The following CPEB1 variants were observed in gnomAD, a reference collection of about 807,000 sequenced individuals.
The protein encoded by CPEB1 is cytoplasmic polyadenylation element binding protein 1.
CPEB1 carries 7 observed loss-of-function variants against 65.8 expected under a neutral mutation model. The ratio of observed to expected loss-of-function variants is 0.11; its 90% CI spans 0.06 to 0.20. The LOEUF (loss-of-function observed/expected upper bound fraction) is 0.20, where lower values mean the gene tolerates loss of function less well. CPEB1 is among the 10% of genes least tolerant of loss of function. The pLI is 1.00. For synonymous variants in CPEB1, 262 were observed against 260.0 expected (o/e 1.01, Z -0.08); for missense variants, 551 against 712.2 (o/e 0.77, Z 2.58).
intron 3 of CPEB1, among the ~76,000 whole-genome samples, chr15:82,597,335 T>C (rs768615812): frequency 1.1e-4 from 16 of 152,254 alleles, no homozygotes; most frequent in Non-Finnish European, 1.9e-4. Flanking sequence ...TTTAGGAGTA[T>C]ATTTATTAAT....
At chr15:82,582,641 C>T (rs28485966) in intron 3 of CPEB1, among the ~76,000 whole-genome samples, 10,650 of 152,084 alleles carry the variant, frequency 0.07, 605 homozygotes, top group African/African-American at 0.15. Flanking sequence ...AATAACCCTA[C>T]TCAGACCTGT....
In CPEB1 at chr15:82,557,356, C is replaced by T. The variant is rs185676078; in HGVS notation, c.687+404G>A. Among the ~76,000 whole-genome samples, 391 of 152,202 alleles carry T rather than the reference C, an allele frequency of 2.6e-3. 7 individuals carry two copies. Among genetic ancestry groups the T allele is most frequent in the Middle Eastern group, 0.017 (5 of 294 alleles). ...CTAATTACTACTTAAAAATTTTTTA[C>T]GTTATTACTTAATTGTGAGATATCA... On this transcript the variant is annotated intron_variant, in intron 5 of 12. Coordinates refer to ENST00000684509, the MANE Select transcript of CPEB1 (RefSeq NM_001365242.1).
At position 82,591,518 on chromosome 15, in the gene CPEB1, C is replaced by T. The variant is rs184698644; in HGVS notation, c.272-19986G>A. ...CTGACCTCAGGTGATCCGCCCACCT[C>T]GGCCTCCCAAAGTGCTGGGATTGTA... On this transcript the variant is annotated intron_variant, in intron 3 of 12. Transcript: ENST00000684509. Among the ~76,000 whole-genome samples the T allele has an allele frequency of 1.1e-4, 16 of 152,290 alleles. No homozygotes were observed. The East Asian group carries it at 2.1e-3, about 20-fold the overall frequency.
intron 1 of CPEB1, among the ~76,000 whole-genome samples, chr15:82,630,749 G>A (rs914835716): frequency 6.6e-6 from 1 of 152,154 alleles, no homozygotes. Flanking sequence ...GGGTAAAGAG[G>A]AAGTTCTAAA....
chr15:82,640,963 A>T (rs1453773277), intron 1 of CPEB1: 1 of 152,194 alleles, frequency 6.6e-6, no homozygotes, highest in Admixed American at 6.5e-5. Flanking sequence ...CAAGTACAAT[A>T]AGAGACCAAC....
chr15:82,642,332 T>A (rs1264240651), intron 1 of CPEB1, among the ~76,000 whole-genome samples: 1 of 152,222 alleles, frequency 6.6e-6, no homozygotes, highest in Admixed American at 6.5e-5. Flanking sequence ...GGCAGGAGGA[T>A]GGCTTGAGCC....
chr15:82,619,508 G>T (rs1410796661), intron 3 of CPEB1, among the ~76,000 whole-genome samples: 1 of 152,058 alleles, frequency 6.6e-6, no homozygotes, highest in Admixed American at 6.6e-5. Context: ...ACAAATCACA[G>T]ACTCAAAGAA....
At chr15:82,615,510 A>C (rs1161748273) in intron 3 of CPEB1, among the ~76,000 whole-genome samples, 2 of 152,240 alleles carry the variant, frequency 1.3e-5, no homozygotes, top group Non-Finnish European at 2.9e-5. Context: ...GAATGTCAAG[A>C]AACAGCAGAC....
chr15:82,590,274 C>A (rs1167494232), intron 3 of CPEB1, among the ~76,000 whole-genome samples: 1 of 138,616 alleles, frequency 7.2e-6, no homozygotes, highest in Non-Finnish European at 1.6e-5. Context: ...TAAGAAAACT[C>A]TGTAATTCAA....
chr15:82,627,897 C>T (rs1221069130), intron 2 of CPEB1, among the ~76,000 whole-genome samples: 1 of 152,036 alleles, frequency 6.6e-6, no homozygotes, highest in East Asian at 1.9e-4. Flanking sequence ...TTATGATGAA[C>T]AAGGTACTCA....
chr15:82,586,890 T>C (rs1181305866), intron 3 of CPEB1, among the ~76,000 whole-genome samples: 5 of 152,342 alleles, frequency 3.3e-5, no homozygotes, highest in African/African-American at 4.8e-5. Context: ...GCCTGACTTA[T>C]AGCATTTTCC....
chr15:82,641,389 A>G (rs555767510), intron 1 of CPEB1, among the ~76,000 whole-genome samples: 1 of 152,278 alleles, frequency 6.6e-6, no homozygotes, highest in Admixed American at 6.5e-5. Context: ...CTGTAAAAAG[A>G]CACAAAAAAA....
chr15:82,561,684 C>T (rs2038236056), intron 4 of CPEB1, among the ~76,000 whole-genome samples: 1 of 152,174 alleles, frequency 6.6e-6, no homozygotes, highest in South Asian at 2.1e-4. Context: ...GTTGGTACAC[C>T]TGTTTTACCA....
chr15:82,627,556 C>T (rs1488210515), intron 2 of CPEB1, among the ~76,000 whole-genome samples, 189 bp from the exon 3 acceptor site: 4 of 152,176 alleles, frequency 2.6e-5, no homozygotes, highest in South Asian at 2.1e-4. Context: ...ATATTCTTGG[C>T]CAATTTGTGG....
intron 1 of CPEB1, among the ~76,000 whole-genome samples, chr15:82,646,021 C>T (rs587752887): frequency 1.2e-4 from 19 of 152,256 alleles, no homozygotes; most frequent in African/African-American, 3.9e-4. Flanking sequence ...CAGGGTTTTC[C>T]GACAGCCAGC....
intron 3 of CPEB1, among the ~76,000 whole-genome samples, chr15:82,578,166 A>G (rs2040874178): frequency 6.6e-6 from 1 of 152,098 alleles, no homozygotes; most frequent in Non-Finnish European, 1.5e-5. Context: ...TAAAAAAGCT[A>G]CATTGATAAA....
At chr15:82,581,858 T>C (rs2041313239) in intron 3 of CPEB1, among the ~76,000 whole-genome samples, 1 of 152,210 alleles carries the variant, frequency 6.6e-6, no homozygotes, top group Non-Finnish European at 1.5e-5. Context: ...GTTACAGTGA[T>C]GGTCCCATAG....
chr15:82,634,889 G>A (rs894222697), intron 1 of CPEB1, among the ~76,000 whole-genome samples: 2 of 152,028 alleles, frequency 1.3e-5, no homozygotes, highest in Non-Finnish European at 2.9e-5. Flanking sequence ...ACAGAGTCTC[G>A]CTCTGTCGCC....
chr15:82,582,240 G>GT (rs958698397), intron 3 of CPEB1, among the ~76,000 whole-genome samples: 9 of 152,182 alleles, frequency 5.9e-5, no homozygotes, highest in Non-Finnish European at 1.0e-4. Flanking sequence ...TTTTACTAAA[G>GT]TAAGTTCTAA....
Sources: allele counts gnomAD v4.1 joint callset (sites outside exome capture counted in the v4.1 genomes callset), GRCh38; gene constraint gnomAD v4.1.1; transcripts MANE v1.5; gene names NCBI Gene and HGNC (gene_info 2026-07-23, HGNC 2026-07-21).